The following SLC9C2 variants were observed in gnomAD, a reference collection of about 807,000 sequenced individuals.
SLC9C2 encodes sodium/hydrogen exchanger 11.
Under a neutral mutation model 140.2 loss-of-function variants are expected in SLC9C2, and 75 were observed. That is an observed-to-expected ratio of 0.53 (90% CI 0.44 to 0.65). The LOEUF (loss-of-function observed/expected upper bound fraction) is 0.65. Ranked by LOEUF, SLC9C2 falls within the 30% of genes least tolerant of loss-of-function variation. The pLI, the probability that SLC9C2 is intolerant of heterozygous loss-of-function variation, is 0.00. For missense variants in SLC9C2, 1,074 were observed against 1,331.8 expected, an observed-to-expected ratio of 0.81 and a Z score of 3.01; for synonymous variants, 375 against 420.9, an observed-to-expected ratio of 0.89 and a Z score of 1.34.
chr1:173,583,874 G>A (rs1665699266), intron 5 of SLC9C2, among the ~76,000 whole-genome samples: 1 of 152,164 alleles, frequency 6.6e-6, no homozygotes, highest in South Asian at 2.1e-4. Context: ...AACCATACTT[G>A]AGTTTCAGAA....
At chr1:173,532,515 G>T (rs762635441) in intron 17 of SLC9C2, among the ~76,000 whole-genome samples, 1 of 152,182 alleles carries the variant, frequency 6.6e-6, no homozygotes, top group Non-Finnish European at 1.5e-5. Context: ...GGAAATTGAA[G>T]GCCACAGTAA....
intron 26 of SLC9C2, among the ~76,000 whole-genome samples, chr1:173,504,668 TG>T (rs1201237527): frequency 6.6e-6 from 1 of 152,128 alleles, no homozygotes; most frequent in Non-Finnish European, 1.5e-5. Flanking sequence ...AGATCTTGTG[TG>T]TGTTTTTTCT....
At chr1:173,545,824 C>T (rs1337268073) in intron 13 of SLC9C2, among the ~76,000 whole-genome samples, 1 of 152,088 alleles carries the variant, frequency 6.6e-6, no homozygotes, top group Non-Finnish European at 1.5e-5. Context: ...GAATCTATTG[C>T]CCCACCCCTT....
chr1:173,541,902 A>G (rs1183985754), intron 13 of SLC9C2, among the ~76,000 whole-genome samples: 2 of 152,252 alleles, frequency 1.3e-5, no homozygotes, highest in African/African-American at 4.8e-5. Flanking sequence ...CCACAAGAGA[A>G]AGCAGGAAAG....
At chr1:173,505,437 C>G in intron 25 of SLC9C2, 106 bp from the exon 26 acceptor site, 1 of 809,820 alleles carries the variant, frequency 1.2e-6, no homozygotes, top group Admixed American at 2.5e-5. Flanking sequence ...AAGCCTAAAG[C>G]TGGGTCTTCA....
intron 5 of SLC9C2, among the ~76,000 whole-genome samples, chr1:173,584,961 T>G (rs987540560): frequency 2.0e-5 from 3 of 152,178 alleles, no homozygotes; most frequent in African/African-American, 7.2e-5. Flanking sequence ...ATGAATTATA[T>G]TCATTGTAAA....
chr1:173,556,680 G>A (rs900541834), intron 10 of SLC9C2, among the ~76,000 whole-genome samples: 1 of 152,044 alleles, frequency 6.6e-6, no homozygotes, highest in Non-Finnish European at 1.5e-5. Context: ...TTGAGTGGAG[G>A]CCGAGACAGG....
At chr1:173,543,713 C>T (rs994995531) in intron 13 of SLC9C2, among the ~76,000 whole-genome samples, 4 of 152,132 alleles carry the variant, frequency 2.6e-5, no homozygotes, top group Non-Finnish European at 2.9e-5. Flanking sequence ...CATCTACAAC[C>T]ATCTGATCTT....
intron 27 of SLC9C2, among the ~76,000 whole-genome samples, chr1:173,501,505 C>CTTTTTTTTT: frequency 1.0e-5 from 1 of 96,338 alleles, no homozygotes; most frequent in Non-Finnish European, 2.0e-5. Context: ...TTATTTGACT[C>CTTTTTTTTT]TTTTTTTTTT....
chr1:173,589,755 T>G (rs1386979314), intron 4 of SLC9C2, among the ~76,000 whole-genome samples: 1 of 152,100 alleles, frequency 6.6e-6, no homozygotes, highest in African/African-American at 2.4e-5. Flanking sequence ...TAAATGCATA[T>G]ATTGGAAAAG....
intron 7 of SLC9C2, among the ~76,000 whole-genome samples, chr1:173,578,939 C>T (rs563834874): frequency 4.8e-4 from 73 of 152,344 alleles, no homozygotes; most frequent in Middle Eastern, 3.4e-3. Context: ...AGGACTTCAA[C>T]GTCTTTTGGG....
At chr1:173,592,497 T>A (rs532011072) in intron 4 of SLC9C2, among the ~76,000 whole-genome samples, 3 of 152,366 alleles carry the variant, frequency 2.0e-5, no homozygotes, top group Non-Finnish European at 4.4e-5. Flanking sequence ...GAGCATGGAA[T>A]GTTTTTCCAT....
At chr1:173,601,546 T>C in intron 2 of SLC9C2, 104 bp downstream of exon 2, 2 of 1,320,896 alleles carry the variant, frequency 1.5e-6, no homozygotes, top group Non-Finnish European at 2.1e-6. Context: ...TCTTATCGTT[T>C]CAATGGGCCC....
At chr1:173,592,900 A>G (rs1027809250) in intron 4 of SLC9C2, among the ~76,000 whole-genome samples, 3 of 152,244 alleles carry the variant, frequency 2.0e-5, no homozygotes, top group African/African-American at 7.2e-5. Context: ...ACCCTACAAG[A>G]CAGTGGAGAT....
At chr1:173,568,488 T>G (rs1664639383) in intron 9 of SLC9C2, among the ~76,000 whole-genome samples, 1 of 152,164 alleles carries the variant, frequency 6.6e-6, no homozygotes, top group Non-Finnish European at 1.5e-5. Context: ...GCATAGTATT[T>G]CATGGTGTAT....
intron 11 of SLC9C2, among the ~76,000 whole-genome samples, chr1:173,549,600 G>A (rs1453403428): frequency 6.6e-6 from 1 of 152,196 alleles, no homozygotes; most frequent in African/African-American, 2.4e-5. Flanking sequence ...AGAATATGAG[G>A]AGGGACCTTT....
chr1:173,545,552 C>A (rs1488453774), intron 13 of SLC9C2, among the ~76,000 whole-genome samples: 1 of 152,104 alleles, frequency 6.6e-6, no homozygotes, highest in African/African-American at 2.4e-5. Flanking sequence ...GGGCAGATAA[C>A]TTTTCTTTTT....
intron 23 of SLC9C2, among the ~76,000 whole-genome samples, chr1:173,515,085 T>C (rs1396892042): frequency 6.6e-6 from 1 of 152,130 alleles, no homozygotes; most frequent in Non-Finnish European, 1.5e-5. Context: ...GCCCTTAACA[T>C]TTTTTCCTTC....
chr1:173,528,739 T>C (rs1296997556), intron 18 of SLC9C2, among the ~76,000 whole-genome samples: 1 of 152,180 alleles, frequency 6.6e-6, no homozygotes, highest in Non-Finnish European at 1.5e-5. Context: ...ATAATCATTG[T>C]AGTAATCAGG....
Sources: allele counts gnomAD v4.1 joint callset (sites outside exome capture counted in the v4.1 genomes callset), GRCh38; gene constraint gnomAD v4.1.1; transcripts MANE v1.5; gene names NCBI Gene and HGNC (gene_info 2026-07-23, HGNC 2026-07-21).